GRK5: variants seen among roughly 807,000 people sequenced by gnomAD.
GRK5 encodes G protein-coupled receptor kinase 5.
GRK5 carries 40 observed loss-of-function variants against 78.4 expected under a neutral mutation model. The observed-to-expected ratio is 0.51, with a 90% CI of 0.40 to 0.66. GRK5 has a LOEUF of 0.66. Ranked by LOEUF, GRK5 falls within the 30% of genes least tolerant of loss-of-function variation. GRK5 has a pLI of 0.00. For synonymous variants in GRK5, 289 were observed against 296.8 expected, an observed-to-expected ratio of 0.97 and a Z score of 0.27; for missense variants, 598 against 759.9, an observed-to-expected ratio of 0.79 and a Z score of 2.50.
At chr10:119,396,625 G>T (rs933434971) in intron 3 of GRK5, 70 bp from the exon 4 acceptor site, 2 of 1,286,820 alleles carry the variant, frequency 1.6e-6, no homozygotes, top group South Asian at 1.2e-5. Flanking sequence ...TCCAGGGGCT[G>T]TGAGGTTCTG....
chr10:119,451,329 A>AG (rs1220108631), intron 13 of GRK5, among the ~76,000 whole-genome samples: 1 of 152,082 alleles, frequency 6.6e-6, no homozygotes, highest in Non-Finnish European at 1.5e-5. Context: ...TGGGTGTGCC[A>AG]GGTAACTTTC....
At chr10:119,251,443 C>A (rs538841282) in intron 1 of GRK5, among the ~76,000 whole-genome samples, 1 of 152,332 alleles carries the variant, frequency 6.6e-6, no homozygotes, top group African/African-American at 2.4e-5. Context: ...TTGTCTTAAG[C>A]CTGTCTTTAC....
chr10:119,226,233 T>TC lies in GRK5; in HGVS notation c.52+18268dup, dbSNP rs1372686124. The stretch of plus-strand genomic sequence containing the variant: ...GACCTTGTGATCTGCCCGTCTCGGC[T>TC]CCCCAAAGAGCTGGGATTACAGGTG... On this transcript the variant is annotated intron_variant, in intron 1 of 15. Coordinates refer to ENST00000392870, the MANE Select transcript of GRK5 (RefSeq NM_005308.3). 2.0e-5 allele frequency among the ~76,000 whole-genome samples: 3 copies of TC among 151,114 alleles called. No homozygotes were observed. In the East Asian group the frequency reaches 5.9e-4, roughly 30 times the overall value.
At chr10:119,313,635 G>T (rs1191512390) in intron 1 of GRK5, among the ~76,000 whole-genome samples, 1 of 152,086 alleles carries the variant, frequency 6.6e-6, no homozygotes, top group Non-Finnish European at 1.5e-5. Flanking sequence ...CTGTCAGGGA[G>T]GGGAGGTAGC....
intron 1 of GRK5, among the ~76,000 whole-genome samples, chr10:119,255,791 G>T (rs942473260): frequency 2.6e-5 from 4 of 152,154 alleles, no homozygotes; most frequent in Non-Finnish European, 5.9e-5. Flanking sequence ...ATCATGGATT[G>T]TGCTAGCAGT....
chr10:119,375,852 G>A (rs899698315), intron 2 of GRK5, among the ~76,000 whole-genome samples: 2 of 152,220 alleles, frequency 1.3e-5, no homozygotes, highest in Admixed American at 6.5e-5. Flanking sequence ...GATCCCAGCC[G>A]CAGGAGCTGG....
chr10:119,308,355 A>G (rs1037680573), intron 1 of GRK5, among the ~76,000 whole-genome samples: 1 of 151,612 alleles, frequency 6.6e-6, no homozygotes, highest in Non-Finnish European at 1.5e-5. Flanking sequence ...TTGTGTGCTC[A>G]TGGTAGAAGT....
chr10:119,381,816 T>C (rs1461918987), intron 3 of GRK5, among the ~76,000 whole-genome samples: 1 of 152,132 alleles, frequency 6.6e-6, no homozygotes, highest in Non-Finnish European at 1.5e-5. Flanking sequence ...CATGCCACCA[T>C]TGGCTGCAGC....
At chr10:119,311,813 A>G (rs1175457142) in intron 1 of GRK5, among the ~76,000 whole-genome samples, 1 of 150,604 alleles carries the variant, frequency 6.6e-6, no homozygotes, top group Non-Finnish European at 1.5e-5. Flanking sequence ...TGAGTAGAGG[A>G]TTTTCCTTCC....
intron 2 of GRK5, among the ~76,000 whole-genome samples, chr10:119,364,235 G>A (rs1173926091): frequency 6.6e-6 from 1 of 152,222 alleles, no homozygotes; most frequent in South Asian, 2.1e-4. Context: ...ATCTAAGGGG[G>A]CTGGGAACTG....
At chr10:119,438,888 A>G (rs1279674836) in intron 9 of GRK5, among the ~76,000 whole-genome samples, 1 of 152,260 alleles carries the variant, frequency 6.6e-6, no homozygotes, top group Non-Finnish European at 1.5e-5. Flanking sequence ...TCATTTGATG[A>G]GGCTCACTGG....
chr10:119,302,790 A>G (rs961524482), intron 1 of GRK5, among the ~76,000 whole-genome samples: 2 of 152,220 alleles, frequency 1.3e-5, no homozygotes, highest in South Asian at 4.1e-4. Flanking sequence ...GGCTCCTTCC[A>G]CACAGAGGCC....
chr10:119,243,442 G>C (rs1849056683), intron 1 of GRK5, among the ~76,000 whole-genome samples: 1 of 152,132 alleles, frequency 6.6e-6, no homozygotes, highest in South Asian at 2.1e-4. Flanking sequence ...GAAACCCTTT[G>C]ACAGCAACTG....
intron 1 of GRK5, among the ~76,000 whole-genome samples, chr10:119,215,647 G>A (rs949513729): frequency 1.3e-5 from 2 of 151,584 alleles, no homozygotes; most frequent in African/African-American, 2.4e-5. Context: ...GGGTGGAGGG[G>A]GTTAAGCTAC....
rs77138881 is a variant in GRK5, at chr10:119,273,647, C to G, written c.53-52869C>G. Among the ~76,000 whole-genome samples, 695 of 152,284 alleles carry G rather than the reference C, an allele frequency of 4.6e-3. 5 individuals are homozygous for G. Among genetic ancestry groups the G allele is most frequent in the African/African-American group, 0.016 (665 of 41,552 alleles). On this transcript the variant is annotated intron_variant, in intron 1 of 15. Transcript: ENST00000392870. ...CCCAAGCTTTGTCCCCATGGGTCAC[C>G]TACTTTGCAACCCTAGTTTCGTGAT...
chr10:119,382,245 T>C (rs1851723807), intron 3 of GRK5, among the ~76,000 whole-genome samples: 1 of 152,094 alleles, frequency 6.6e-6, no homozygotes. Context: ...AGGCTCTGCC[T>C]TGGGCTTCGG....
chr10:119,261,258 CG>C (rs1849389664), intron 1 of GRK5, among the ~76,000 whole-genome samples: 1 of 150,558 alleles, frequency 6.6e-6, no homozygotes, highest in Non-Finnish European at 1.5e-5. Flanking sequence ...ACCTCCCAGA[CG>C]GGGTGGCGGC....
intron 3 of GRK5, among the ~76,000 whole-genome samples, chr10:119,394,224 G>A (rs1025280244): frequency 9.0e-5 from 2 of 22,308 alleles, no homozygotes; most frequent in Admixed American, 1.0e-3. Context: ...GGGTACGTGT[G>A]GGTGTGGGTG....
At position 119,440,447 on chromosome 10, in the gene GRK5, G is replaced by C. The variant is rs143172224; in HGVS notation, c.967+679G>C. ...GGCTAGAGTGCAATGGCGTGATCTCGGCCTACTGCAACCTCTGCCTCCCAG... is the reference window on the plus strand; with the variant it reads ...GGCTAGAGTGCAATGGCGTGATCTCCGCCTACTGCAACCTCTGCCTCCCAG... On this transcript the variant is annotated intron_variant, in intron 10 of 15. Coordinates refer to ENST00000392870, the MANE Select transcript of GRK5 (RefSeq NM_005308.3). Among the ~76,000 whole-genome samples the C allele has an allele frequency of 5.2e-3, 782 of 151,484 alleles. 2 individuals carry two copies. Among genetic ancestry groups the C allele is most frequent in the Non-Finnish European group, 7.7e-3 (524 of 67,870 alleles).
Sources: allele counts gnomAD v4.1 joint callset (sites outside exome capture counted in the v4.1 genomes callset), GRCh38; gene constraint gnomAD v4.1.1; transcripts MANE v1.5; gene names NCBI Gene and HGNC (gene_info 2026-07-23, HGNC 2026-07-21).